The following SLC25A36 variants were observed in gnomAD, a reference collection of about 807,000 sequenced individuals.
SLC25A36 encodes solute carrier family 25 member 36.
SLC25A36 carries 24 observed loss-of-function variants against 35.3 expected under a neutral mutation model. That is an observed-to-expected ratio of 0.68 (90% CI 0.49 to 0.96). The LOEUF is 0.96. Ranked by LOEUF, SLC25A36 falls within the 40% of genes least tolerant of loss-of-function variation. The pLI is 0.00. For synonymous variants in SLC25A36, 141 were observed against 132.2 expected, an observed-to-expected ratio of 1.07 and a Z score of -0.46; for missense variants, 294 against 381.1, an observed-to-expected ratio of 0.77 and a Z score of 1.90.
chr3:140,951,898 A>G (rs917643272), intron 1 of SLC25A36, among the ~76,000 whole-genome samples: 2 of 152,016 alleles, frequency 1.3e-5, no homozygotes, highest in African/African-American at 4.8e-5. Flanking sequence ...TGATAGTGCA[A>G]TCACAGCTCA....
intron 5 of SLC25A36, chr3:140,972,937 A>T (rs959177955): frequency 2.6e-5 from 4 of 152,192 alleles, no homozygotes; most frequent in Non-Finnish European, 4.4e-5. Context: ...CCTGTCTCTT[A>T]TAGATAAGGA....
rs537675262 is a variant in SLC25A36 at position 140,979,573 on chromosome 3, T to A, written c.*3120T>A. ...TTTAAATTTGAGGAATTTTAATACA[T>A]AAAATACAATGTACAAACTTTCTGC... On this transcript the variant is annotated 3_prime_UTR_variant, in exon 7 of 7. Transcript: ENST00000324194. The A allele has an allele frequency of 6.6e-6, 1 of 152,204 alleles. No individual in the cohort carries two copies. The highest frequency in any genetic ancestry group is 1.5e-5 in the Non-Finnish European group (1 of 68,014). The allele number at this position is 152,204 out of a possible 1,614,324, so 9.4% of individuals were successfully genotyped here.
intron 6 of SLC25A36, among the ~76,000 whole-genome samples, chr3:140,975,097 C>CTTTTTTGTTTT (rs1935004867): frequency 1.8e-5 from 1 of 55,188 alleles, no homozygotes; most frequent in Non-Finnish European, 3.5e-5. Flanking sequence ...AAGATACATT[C>CTTTTTTGTTTT]TTTTTTTTTT....
chr3:140,970,424 C>T (rs575453522), intron 4 of SLC25A36: 1 of 152,408 alleles, frequency 6.6e-6, no homozygotes, highest in South Asian at 2.1e-4. Flanking sequence ...GGCCAAACAA[C>T]AGTCTTTTCC....
chr3:140,958,843 T>A (rs1934547522), intron 2 of SLC25A36, among the ~76,000 whole-genome samples: 1 of 152,104 alleles, frequency 6.6e-6, no homozygotes, highest in African/African-American at 2.4e-5. Flanking sequence ...AATGTAGAAC[T>A]CTTTATCATT....
intron 1 of SLC25A36, among the ~76,000 whole-genome samples, chr3:140,949,131 C>CA (rs1005825313): frequency 1.3e-5 from 2 of 151,972 alleles, no homozygotes; most frequent in South Asian, 2.1e-4. Context: ...GCTTCAAAAA[C>CA]AAAAAAACAC....
In SLC25A36 at chr3:140,959,530, G is replaced by T. The variant is rs2107797549; in HGVS notation, c.274G>T (p.Ala92Ser). 6.8e-7 allele frequency: 1 copy of T among 1,460,734 alleles called. No individual in the cohort carries two copies. The highest frequency in any genetic ancestry group is 1.5e-5 in the African/African-American group (1 of 66,806). 90.5% of individuals were successfully genotyped at this position (1,460,734 alleles called of 1,614,324 possible). The change falls in exon 3 of 7, where the codon GCC (alanine) becomes TCC (serine). Residue 92 changes from alanine (A) to serine (S), a missense_variant. By Grantham distance (99) the Ala-to-Ser change is moderately conservative. Transcript: ENST00000324194. Reference sequence around the variant, plus strand: ...ACTAGGCCCCAATTTAGTGGGGGTAGCCCCTTCCAGGTAAAAAAAAAAAAA... The same window carrying T: ...ACTAGGCCCCAATTTAGTGGGGGTATCCCCTTCCAGGTAAAAAAAAAAAAA... The part of the protein sequence containing the change: ...RGLGPNLVGV[A>S]PSRAIYFAAY...
At position 140,977,468 on chromosome 3, in the gene SLC25A36, GA is replaced by G. The variant is rs1935077906; in HGVS notation, c.*1016del. On this transcript the variant is annotated 3_prime_UTR_variant, in exon 7 of 7. Coordinates refer to ENST00000324194, the MANE Select transcript of SLC25A36 (RefSeq NM_001104647.3). Reference sequence around the variant, plus strand: ...TATTTGGGACAGTATAAATATTATAGACAAGGGCCCCCTTGCTGTCTGCTTT... The same window carrying G: ...TATTTGGGACAGTATAAATATTATAGCAAGGGCCCCCTTGCTGTCTGCTTT... 1 of 152,072 alleles carries G rather than the reference GA, an allele frequency of 6.6e-6. No homozygotes were observed. The highest frequency in any genetic ancestry group is 2.4e-5 in the African/African-American group (1 of 41,420). The allele number at this position is 152,072 out of a possible 1,614,324, so 9.4% of individuals were successfully genotyped here. A position where few individuals can be genotyped will look rare whatever the true frequency, so the allele number is the denominator to read the frequency against.
At chr3:140,948,639 C>A (rs1055539150) in intron 1 of SLC25A36, among the ~76,000 whole-genome samples, 2 of 152,204 alleles carry the variant, frequency 1.3e-5, no homozygotes, top group Non-Finnish European at 2.9e-5. Flanking sequence ...ATAATATGCA[C>A]ATACAAATAT....
At position 140,956,513 on chromosome 3, in the gene SLC25A36, T is replaced by C; in HGVS notation, c.42-14T>C. 6.7e-7 allele frequency: 1 copy of C among 1,500,740 alleles called. No homozygotes were observed. The highest frequency in any genetic ancestry group is 8.8e-7 in the Non-Finnish European group (1 of 1,132,756). The allele number at this position is 1,500,740 out of a possible 1,614,324, so 93.0% of individuals were successfully genotyped here. ...AAGTAGATAAGCTGTGTTCTTTTTTTTTTTTTTTTTTAGATGTGGTGGTAC... is the reference window on the plus strand; with the variant it reads ...AAGTAGATAAGCTGTGTTCTTTTTTCTTTTTTTTTTTAGATGTGGTGGTAC... On this transcript the variant is annotated splice_polypyrimidine_tract_variant and intron_variant, in intron 1 of 6. Transcript: ENST00000324194.
At chr3:140,964,845 T>A (rs1934719664) in intron 4 of SLC25A36, 1 of 151,894 alleles carries the variant, frequency 6.6e-6, no homozygotes, top group Non-Finnish European at 1.5e-5. Context: ...CTTATTTCAT[T>A]GGAGTATCTC....
At chr3:140,961,519 A>G (rs954015288) in intron 3 of SLC25A36, among the ~76,000 whole-genome samples, 10 of 152,086 alleles carry the variant, frequency 6.6e-5, no homozygotes, top group African/African-American at 2.4e-4. Context: ...ATGGTCACCT[A>G]AAATTAGAAT....
rs1934006324 is a variant in SLC25A36, at chr3:140,941,866, A to C, written c.-189A>C. 4.1e-6 allele frequency: 2 copies of C among 492,052 alleles called. No individual in the cohort carries two copies. Among genetic ancestry groups the C allele is most frequent in the Non-Finnish European group, 7.3e-6 (2 of 272,870 alleles). 30.5% of individuals were successfully genotyped at this position (492,052 alleles called of 1,614,324 possible). On this transcript the variant is annotated 5_prime_UTR_variant, in exon 1 of 7. Transcript: ENST00000324194. ...CTGGTGAAGGGCGGCGCGCTTAGGC[A>C]GGCGGTGGCGCGGCTGGAGTGCCGC...
chr3:140,969,228 C>A lies in SLC25A36; in HGVS notation c.386-1699C>A, dbSNP rs537552098. On this transcript the variant is annotated intron_variant, in intron 4 of 6. Coordinates refer to ENST00000324194, the MANE Select transcript of SLC25A36 (RefSeq NM_001104647.3). ...AACTTTATTCTCAGTTAAGCTAGAA[C>A]CATGCAAGAAAATATTTAAACTGGT... Among the ~76,000 whole-genome samples the A allele has an allele frequency of 4.6e-5, 7 of 151,808 alleles. No individual in the cohort carries two copies. In the East Asian group the frequency reaches 1.4e-3, roughly 29 times the overall value.
At chr3:140,947,946 G>T (rs967580422) in intron 1 of SLC25A36, among the ~76,000 whole-genome samples, 10 of 152,062 alleles carry the variant, frequency 6.6e-5, no homozygotes, top group African/African-American at 2.4e-4. Context: ...AGTCTACGTG[G>T]TTTTTTTAAT....
chr3:140,960,593 TA>T (rs1373033513), intron 3 of SLC25A36, among the ~76,000 whole-genome samples: 4 of 152,148 alleles, frequency 2.6e-5, no homozygotes, highest in Non-Finnish European at 4.4e-5. Flanking sequence ...TGAAGGGCAG[TA>T]AGTGATGTAC....
chr3:140,959,466 G>A lies in SLC25A36; in HGVS notation c.210G>A (p.Val70=). The part of the protein sequence containing the change: ...VSPGPLHCLK[V]ILEKEGPRSL... Reference sequence around the variant, plus strand: ...GAATTTTTTTTCTCTCTTTCAGGGTGATCTTGGAAAAAGAAGGGCCTCGTT... The same window carrying A: ...GAATTTTTTTTCTCTCTTTCAGGGTAATCTTGGAAAAAGAAGGGCCTCGTT... Residue 70 remains valine, a synonymous_variant, in exon 3 of 7, where the codon GTG becomes GTA. Transcript: ENST00000324194. 6 of 1,508,544 alleles carry A rather than the reference G, an allele frequency of 4.0e-6. No homozygotes were observed. The highest frequency in any genetic ancestry group is 5.3e-6 in the Non-Finnish European group (6 of 1,132,600). 93.4% of individuals were successfully genotyped at this position (1,508,544 alleles called of 1,614,324 possible).
At chr3:140,971,349 A>G (rs1198597149) in intron 5 of SLC25A36, among the ~76,000 whole-genome samples, 1 of 152,164 alleles carries the variant, frequency 6.6e-6, no homozygotes, top group African/African-American at 2.4e-5. Flanking sequence ...GTAAGCCACA[A>G]GGTCAGCTAG....
chr3:140,944,104 C>T (rs953918651), intron 1 of SLC25A36, among the ~76,000 whole-genome samples: 1 of 152,166 alleles, frequency 6.6e-6, no homozygotes, highest in African/African-American at 2.4e-5. Context: ...TAAGTGAGTT[C>T]AGTAAAACAC....
Sources: allele counts gnomAD v4.1 joint callset (sites outside exome capture counted in the v4.1 genomes callset), GRCh38; gene constraint gnomAD v4.1.1; transcripts MANE v1.5; gene names NCBI Gene and HGNC (gene_info 2026-07-23, HGNC 2026-07-21).